GRIK4: variants seen among roughly 807,000 people sequenced by gnomAD.
The protein encoded by GRIK4 is glutamate receptor ionotropic, kainate 4.
A neutral mutation model predicts 104.9 loss-of-function variants in GRIK4; 40 were observed. The observed-to-expected ratio is 0.38, with a 90% CI of 0.30 to 0.50. The LOEUF is 0.50. Among genes scored for constraint, GRIK4 ranks in the 20% least tolerant of loss-of-function variants. The pLI is 0.93. For synonymous variants in GRIK4, 485 were observed against 524.9 expected (o/e 0.92, Z 1.04); for missense variants, 1,047 against 1,308.1 (o/e 0.80, Z 3.08).
At chr11:120,901,742 C>T (rs796698884) in intron 12 of GRIK4, among the ~76,000 whole-genome samples, 12 of 152,226 alleles carry the variant, frequency 7.9e-5, no homozygotes, top group African/African-American at 2.4e-4. Context: ...CTCTCAGAGC[C>T]GGGAATTACA....
At chr11:120,623,255 C>T (rs138330082) in intron 1 of GRIK4, among the ~76,000 whole-genome samples, 29 of 152,110 alleles carry the variant, frequency 1.9e-4, no homozygotes, top group Middle Eastern at 3.4e-3. Context: ...TGATCCTCCC[C>T]GCTCAGCCTC....
At chr11:120,709,592 T>C (rs1466015343) in intron 3 of GRIK4, among the ~76,000 whole-genome samples, 1 of 152,178 alleles carries the variant, frequency 6.6e-6, no homozygotes, top group African/African-American at 2.4e-5. Context: ...CCATCTGGTT[T>C]TGCAATGTGG....
chr11:120,590,037 A>G (rs927868198), intron 1 of GRIK4, among the ~76,000 whole-genome samples: 2 of 152,222 alleles, frequency 1.3e-5, no homozygotes. Flanking sequence ...GTTCAAGGAC[A>G]TAGCTGTGTC....
chr11:120,661,963 A>G (rs1949824816), intron 3 of GRIK4, among the ~76,000 whole-genome samples: 1 of 152,278 alleles, frequency 6.6e-6, no homozygotes, highest in South Asian at 2.1e-4. Flanking sequence ...TGTTTAATTT[A>G]TAAGATGCCT....
chr11:120,658,309 T>C (rs1274656849), intron 2 of GRIK4, among the ~76,000 whole-genome samples: 1 of 152,204 alleles, frequency 6.6e-6, no homozygotes, highest in East Asian at 1.9e-4. Context: ...GGTTTCCAGT[T>C]TGGGGAAACG....
At chr11:120,632,702 A>T (rs1278885247) in intron 1 of GRIK4, among the ~76,000 whole-genome samples, 1 of 151,962 alleles carries the variant, frequency 6.6e-6, no homozygotes, top group Non-Finnish European at 1.5e-5. Context: ...GTAGAAGAGC[A>T]CCCCCAGAAC....
intron 3 of GRIK4, among the ~76,000 whole-genome samples, chr11:120,716,845 G>T (rs1950843996): frequency 6.6e-6 from 1 of 152,156 alleles, no homozygotes; most frequent in Non-Finnish European, 1.5e-5. Context: ...GCTAAGGATG[G>T]ATCCACAGGA....
chr11:120,905,369 T>C lies in GRIK4; in HGVS notation c.1352T>C (p.Met451Thr). 1 of 1,614,070 alleles carries C rather than the reference T, an allele frequency of 6.2e-7. No individual in the cohort carries two copies. The stretch of plus-strand genomic sequence containing the variant: ...CGCTACGAGGGCTTCTGTGTGGACA[T>C]GCTCAAGGAGCTGGCAGAGATCCTC... Reference protein sequence around the residue: ...NDRYEGFCVDMLKELAEILRF... With the variant: ...NDRYEGFCVDTLKELAEILRF... The change falls in exon 13 of 21, where the codon ATG (methionine) becomes ACG (threonine). Residue 451 changes from methionine to threonine, a missense_variant. Physicochemically the swap from Met to Thr is moderately conservative, Grantham distance 81. Around this residue, in one of 3 missense-constraint regions of GRIK4, gnomAD observed 440 missense variants for 652.3 expected, o/e 0.67. Transcript: ENST00000527524. This position sits in a 1 kb window ranked among gnomAD's most constrained non-coding sequence, Gnocchi z 5.1.
chr11:120,516,569 G>T (rs1302216440), intron 1 of GRIK4, among the ~76,000 whole-genome samples: 1 of 152,124 alleles, frequency 6.6e-6, no homozygotes, highest in African/African-American at 2.4e-5. Context: ...CAGTGCAGCA[G>T]GCTCGGGGGA....
At chr11:120,530,294 G>A (rs529244719) in intron 1 of GRIK4, among the ~76,000 whole-genome samples, 22 of 152,348 alleles carry the variant, frequency 1.4e-4, no homozygotes, top group Non-Finnish European at 2.1e-4. Context: ...TCGATGGCCT[G>A]TGGGGAGAGG....
intron 3 of GRIK4, among the ~76,000 whole-genome samples, chr11:120,797,236 G>A (rs1052382684): frequency 2.0e-5 from 3 of 152,306 alleles, no homozygotes; most frequent in Non-Finnish European, 4.4e-5. Flanking sequence ...AGACCTCCCA[G>A]CCTCACTGTG....
At chr11:120,958,231 C>T (rs546161351) in intron 16 of GRIK4, among the ~76,000 whole-genome samples, 89 of 152,390 alleles carry the variant, frequency 5.8e-4, no homozygotes, top group Non-Finnish European at 1.2e-3. Flanking sequence ...CAGCTCTACC[C>T]TTACCCCAGG....
intron 4 of GRIK4, among the ~76,000 whole-genome samples, chr11:120,815,094 G>A (rs1167906416): frequency 6.6e-6 from 1 of 152,278 alleles, no homozygotes; most frequent in Non-Finnish European, 1.5e-5. Flanking sequence ...TTCTGTGACA[G>A]TCCAGACAAT....
chr11:120,743,336 A>G (rs1951374062), intron 3 of GRIK4, among the ~76,000 whole-genome samples: 1 of 152,176 alleles, frequency 6.6e-6, no homozygotes, highest in South Asian at 2.1e-4. Context: ...AAAATCAAAT[A>G]CTATATGTTC....
intron 3 of GRIK4, among the ~76,000 whole-genome samples, chr11:120,717,442 G>A (rs1430662406): frequency 6.6e-6 from 1 of 152,118 alleles, no homozygotes; most frequent in East Asian, 1.9e-4. Context: ...ATCTGGCAGT[G>A]CTTAGGGATT....
At chr11:120,609,762 C>A (rs1005474086) in intron 1 of GRIK4, among the ~76,000 whole-genome samples, 2 of 152,108 alleles carry the variant, frequency 1.3e-5, no homozygotes, top group African/African-American at 2.4e-5. Context: ...GATCCATCTG[C>A]CTCGGCCTCC....
chr11:120,519,878 TTGTTTTTTTTTTTG>T (rs1292086565), intron 1 of GRIK4, among the ~76,000 whole-genome samples: 6 of 102,030 alleles, frequency 5.9e-5, no homozygotes, highest in African/African-American at 2.6e-4. Flanking sequence ...TTTTTTTTTT[TTGTTTTTTTTTTTG>T]TTGTTGTTGT....
At chr11:120,645,960 G>A (rs771477433) in intron 1 of GRIK4, among the ~76,000 whole-genome samples, 1 of 152,210 alleles carries the variant, frequency 6.6e-6, no homozygotes, top group African/African-American at 2.4e-5. Context: ...CGCTGGGTTA[G>A]CACCAGAAGG....
At chr11:120,704,493 C>T (rs756251443) in intron 3 of GRIK4, among the ~76,000 whole-genome samples, 4 of 152,184 alleles carry the variant, frequency 2.6e-5, no homozygotes, top group Admixed American at 6.5e-5. Context: ...AGCTTCGAAG[C>T]CTGCACGTAA....
Sources: gnomAD v4.1 joint callset for allele counts (sites outside exome capture counted in the v4.1 genomes callset) on GRCh38, gnomAD v4.1.1 for gene constraint, gnomAD v4.1.1 regional missense constraint, Gnocchi (gnomAD v3.1) non-coding constraint, MANE v1.5 for transcripts, NCBI Gene and HGNC (gene_info 2026-07-23, HGNC 2026-07-21) for gene names.